DESI2: variants seen among roughly 807,000 people sequenced by gnomAD.
DESI2 encodes the protein deubiquitinase DESI2.
In DESI2, 10 loss-of-function variants were observed where a neutral mutation model predicts 24.1. The ratio of observed to expected loss-of-function variants is 0.41; its 90% CI spans 0.26 to 0.70. The LOEUF (loss-of-function observed/expected upper bound fraction) is 0.70. Ranked by LOEUF, DESI2 falls within the 30% of genes least tolerant of loss-of-function variation. DESI2 has a pLI of 0.29. For missense variants in DESI2, 122 were observed against 234.9 expected (o/e 0.52, Z 3.14); for synonymous variants, 71 against 87.7 (o/e 0.81, Z 1.06).
chr1:244,661,300 T>G (rs1675830769), intron 1 of DESI2, among the ~76,000 whole-genome samples: 1 of 152,222 alleles, frequency 6.6e-6, no homozygotes. Context: ...TCACTTAGCA[T>G]AGTCCTCAGG....
intron 1 of DESI2, among the ~76,000 whole-genome samples, chr1:244,658,135 C>G (rs1488763685): frequency 2.0e-5 from 3 of 152,198 alleles, no homozygotes; most frequent in Non-Finnish European, 2.9e-5. Context: ...AGCCTCCTTA[C>G]GAGTTTCAGT....
At chr1:244,660,456 G>A (rs1358779860) in intron 1 of DESI2, among the ~76,000 whole-genome samples, 3 of 152,172 alleles carry the variant, frequency 2.0e-5, no homozygotes, top group Non-Finnish European at 2.9e-5. Flanking sequence ...GTGAGCCACC[G>A]CACCCGGTCG....
Position 244,676,368 on chromosome 1 carries a change from C to T in DESI2, c.43-10229C>T, listed in dbSNP as rs371141911. Among the ~76,000 whole-genome samples, 50 of 152,186 alleles carry T rather than the reference C, an allele frequency of 3.3e-4. No individual in the cohort carries two copies. In the East Asian group the frequency reaches 7.5e-3, roughly 23 times the overall value. ...CTGGGATTACAGGTGTGAGCCACCG[C>T]GCCTGGCCTACAATCGATTTTTATA... On this transcript the variant is annotated intron_variant, in intron 1 of 4. Transcript: ENST00000302550.
At chr1:244,691,019 A>AAAG (rs1396587878) in intron 3 of DESI2, among the ~76,000 whole-genome samples, 2 of 152,240 alleles carry the variant, frequency 1.3e-5, no homozygotes, top group Admixed American at 1.3e-4. Context: ...GATGCCTTTT[A>AAAG]TCTGACTAAA....
intron 1 of DESI2, 177 bp downstream of exon 1, chr1:244,653,532 C>G: frequency 3.3e-6 from 2 of 602,100 alleles, no homozygotes; most frequent in East Asian, 3.5e-5. Flanking sequence ...TCGCACTCGT[C>G]GACGCTCCGG....
chr1:244,693,213 T>C (rs1181375521), intron 4 of DESI2, among the ~76,000 whole-genome samples: 1 of 152,188 alleles, frequency 6.6e-6, no homozygotes, highest in African/African-American at 2.4e-5. Flanking sequence ...CTTACTCCAG[T>C]GCTTATTATA....
intron 1 of DESI2, among the ~76,000 whole-genome samples, chr1:244,663,823 C>A (rs1259505488): frequency 6.6e-6 from 1 of 151,774 alleles, no homozygotes; most frequent in African/African-American, 2.4e-5. Flanking sequence ...TCGAGACCAT[C>A]CTGGCTAACA....
At chr1:244,666,018 A>C (rs1262636180) in intron 1 of DESI2, among the ~76,000 whole-genome samples, 1 of 152,142 alleles carries the variant, frequency 6.6e-6, no homozygotes, top group Non-Finnish European at 1.5e-5. Context: ...CTCACTTTAC[A>C]ATTGTGACCA....
chr1:244,665,975 T>C (rs921949045), intron 1 of DESI2, among the ~76,000 whole-genome samples: 1 of 152,194 alleles, frequency 6.6e-6, no homozygotes, highest in Admixed American at 6.5e-5. Flanking sequence ...GGCAGCTGAA[T>C]AGGGCTAGAG....
intron 1 of DESI2, among the ~76,000 whole-genome samples, chr1:244,680,204 T>C (rs367913747): frequency 2.0e-5 from 3 of 152,130 alleles, no homozygotes; most frequent in Middle Eastern, 3.4e-3. Flanking sequence ...CCCCAGCACT[T>C]TGGGAGGCCA....
At chr1:244,671,807 A>G (rs1379616491) in intron 1 of DESI2, among the ~76,000 whole-genome samples, 1 of 152,194 alleles carries the variant, frequency 6.6e-6, no homozygotes, top group Non-Finnish European at 1.5e-5. Flanking sequence ...AATAGCTTCT[A>G]GTTTGTAAAA....
At chr1:244,701,447 CAGAG>C (rs1260016833) in intron 4 of DESI2, among the ~76,000 whole-genome samples, 1 of 152,052 alleles carries the variant, frequency 6.6e-6, no homozygotes, top group Non-Finnish European at 1.5e-5. Flanking sequence ...CTGAAAGAGA[CAGAG>C]AGGGGACAAA....
chr1:244,694,453 C>T, intron 4 of DESI2: 2 of 773,670 alleles, frequency 2.6e-6, no homozygotes, highest in South Asian at 1.3e-5. Flanking sequence ...GATGCTGCAG[C>T]AGCTGCCCTC....
At chr1:244,661,213 T>G (rs1445841052) in intron 1 of DESI2, among the ~76,000 whole-genome samples, 3 of 152,316 alleles carry the variant, frequency 2.0e-5, no homozygotes, top group African/African-American at 2.4e-5. Context: ...ATCATTCTGC[T>G]TTCTGTCTCT....
At chr1:244,671,466 G>A (rs1676243084) in intron 1 of DESI2, among the ~76,000 whole-genome samples, 1 of 152,164 alleles carries the variant, frequency 6.6e-6, no homozygotes, top group African/African-American at 2.4e-5. Flanking sequence ...TCTTTAACTA[G>A]TCTGCTGAAT....
intron 1 of DESI2, among the ~76,000 whole-genome samples, chr1:244,662,219 T>G (rs1675872360): frequency 6.6e-6 from 1 of 152,244 alleles, no homozygotes; most frequent in African/African-American, 2.4e-5. Context: ...GAGAAGTGTC[T>G]GTTCATGTCC....
intron 1 of DESI2, among the ~76,000 whole-genome samples, chr1:244,678,504 C>T (rs1177268310): frequency 6.6e-6 from 1 of 152,070 alleles, no homozygotes; most frequent in Non-Finnish European, 1.5e-5. Context: ...AATTCTTTAC[C>T]AAAAGTCAAC....
intron 2 of DESI2, among the ~76,000 whole-genome samples, chr1:244,688,102 T>G (rs1183486010): frequency 6.6e-6 from 1 of 152,212 alleles, no homozygotes; most frequent in African/African-American, 2.4e-5. Flanking sequence ...CTTCATAAAA[T>G]TATTTAGTAA....
intron 1 of DESI2, among the ~76,000 whole-genome samples, chr1:244,668,044 A>G (rs904509433): frequency 3.3e-5 from 5 of 152,250 alleles, no homozygotes; most frequent in Admixed American, 6.5e-5. Flanking sequence ...GACTATATGT[A>G]TACATTTGTT....
Sources: allele counts gnomAD v4.1 joint callset (sites outside exome capture counted in the v4.1 genomes callset), GRCh38; gene constraint gnomAD v4.1.1; transcripts MANE v1.5; gene names NCBI Gene and HGNC (gene_info 2026-07-23, HGNC 2026-07-21).